Variants in RAB10 observed in about 807,000 individuals in gnomAD.
The protein encoded by RAB10 is RAB10, member RAS oncogene family, also known as ras-related protein Rab-10.
In RAB10, 5 loss-of-function variants were observed where a neutral mutation model predicts 25.7. The observed-to-expected ratio is 0.19, with a 90% CI of 0.10 to 0.41. The LOEUF is 0.41. RAB10 is among the 10% of genes least tolerant of loss of function. RAB10 has a pLI of 1.00. For missense variants in RAB10, 103 were observed against 245.8 expected, an observed-to-expected ratio of 0.42 and a Z score of 3.89; for synonymous variants, 89 against 86.4, an observed-to-expected ratio of 1.03 and a Z score of -0.16.
intron 1 of RAB10, among the ~76,000 whole-genome samples, chr2:26,092,743 A>G (rs1412692296): frequency 6.6e-6 from 1 of 152,096 alleles, no homozygotes; most frequent in Non-Finnish European, 1.5e-5. Flanking sequence ...CAGTTGTCAC[A>G]CTTGTCATTA....
intron 1 of RAB10, among the ~76,000 whole-genome samples, chr2:26,049,849 T>C (rs1666096530): frequency 6.6e-6 from 1 of 152,208 alleles, no homozygotes; most frequent in East Asian, 1.9e-4. Context: ...AAGTTAAAAA[T>C]TCCTCTTTAT....
chr2:26,089,719 A>G (rs1193443160), intron 1 of RAB10, among the ~76,000 whole-genome samples: 4 of 152,198 alleles, frequency 2.6e-5, no homozygotes, highest in Non-Finnish European at 5.9e-5. Context: ...AAAAAAACCT[A>G]GTCTTAGAAA....
chr2:26,045,592 G>A (rs1020392904), intron 1 of RAB10, among the ~76,000 whole-genome samples: 5 of 152,188 alleles, frequency 3.3e-5, no homozygotes, highest in African/African-American at 9.7e-5. Flanking sequence ...TGTGAAGAAC[G>A]AAGGAGTAGG....
chr2:26,079,324 AAC>A (rs34334774), intron 1 of RAB10, among the ~76,000 whole-genome samples: 3,508 of 92,586 alleles, frequency 0.038, 55 homozygotes, highest in East Asian at 0.08. Flanking sequence ...CACACACACA[AAC>A]ACACACACAC....
intron 1 of RAB10, among the ~76,000 whole-genome samples, chr2:26,043,545 A>T (rs1368503081): frequency 6.6e-6 from 1 of 152,244 alleles, no homozygotes; most frequent in Non-Finnish European, 1.5e-5. Context: ...AAATGGATAA[A>T]CAAAATGTGG....
chr2:26,038,639 T>C (rs1665817141), intron 1 of RAB10, among the ~76,000 whole-genome samples: 1 of 151,762 alleles, frequency 6.6e-6, no homozygotes, highest in Non-Finnish European at 1.5e-5. Context: ...AAAATACCAT[T>C]GGGCGGGGCG....
chr2:26,128,561 A>G (rs1370075546), intron 5 of RAB10, among the ~76,000 whole-genome samples: 5 of 152,022 alleles, frequency 3.3e-5, no homozygotes. Context: ...TTACTCTTGG[A>G]CTCATTTCGC....
At chr2:26,101,690 A>T (rs1295826481) in intron 2 of RAB10, 1 of 143,322 alleles carries the variant, frequency 7.0e-6, no homozygotes, top group Admixed American at 7.2e-5. Context: ...GCTTCACTGC[A>T]CATGGGAAAT....
chr2:26,047,280 G>A (rs1666030892), intron 1 of RAB10, among the ~76,000 whole-genome samples: 1 of 151,960 alleles, frequency 6.6e-6, no homozygotes, highest in Non-Finnish European at 1.5e-5. Context: ...CTAAAATTTT[G>A]TCATTTTACA....
At chr2:26,072,898 A>C (rs1255809492) in intron 1 of RAB10, among the ~76,000 whole-genome samples, 1 of 152,236 alleles carries the variant, frequency 6.6e-6, no homozygotes, top group African/African-American at 2.4e-5. Flanking sequence ...TCTTAGTTTT[A>C]ATTTGTAATA....
intron 1 of RAB10, among the ~76,000 whole-genome samples, chr2:26,094,269 G>C (rs1481100477): frequency 1.3e-5 from 2 of 150,586 alleles, no homozygotes; most frequent in African/African-American, 2.4e-5. Flanking sequence ...TTATGTTTTT[G>C]AGACAGAGTT....
intron 3 of RAB10, among the ~76,000 whole-genome samples, chr2:26,116,470 G>C (rs1574559410): frequency 6.6e-6 from 1 of 150,530 alleles, no homozygotes; most frequent in South Asian, 2.1e-4. Context: ...CATGGATTTT[G>C]ATAAAGGAAG....
At chr2:26,129,645 T>G (rs181255305) in intron 5 of RAB10, among the ~76,000 whole-genome samples, 1 of 152,342 alleles carries the variant, frequency 6.6e-6, no homozygotes, top group Admixed American at 6.5e-5. Context: ...AGGTATCTGT[T>G]TACTACAATT....
In RAB10 at chr2:26,044,127, A is replaced by G. The variant is rs1574524750; in HGVS notation, c.127+9392A>G. Among the ~76,000 whole-genome samples, 6 of 152,338 alleles carry G rather than the reference A, an allele frequency of 3.9e-5. No individual in the cohort carries two copies. In the South Asian group the frequency reaches 1.2e-3, roughly 32 times the overall value. ...TGAACTGTACACATTAAAAATGGTT[A>G]AGATGGCAAATTTAATGTTATGTTT... is the stretch of plus-strand genomic sequence containing the variant. On this transcript the variant is annotated intron_variant, in intron 1 of 5. Transcript: ENST00000264710.
At chr2:26,037,746 C>G (rs1665794859) in intron 1 of RAB10, among the ~76,000 whole-genome samples, 1 of 152,066 alleles carries the variant, frequency 6.6e-6, no homozygotes, top group Non-Finnish European at 1.5e-5. Context: ...GGACCAGGCA[C>G]TTTGTAGGAG....
chr2:26,059,420 T>G (rs1574532040), intron 1 of RAB10, among the ~76,000 whole-genome samples: 1 of 152,332 alleles, frequency 6.6e-6, no homozygotes, highest in Middle Eastern at 3.4e-3. Context: ...TTCTAACATT[T>G]AGTAGCATAA....
chr2:26,078,759 G>T (rs1364224303), intron 1 of RAB10, among the ~76,000 whole-genome samples: 1 of 152,130 alleles, frequency 6.6e-6, no homozygotes, highest in African/African-American at 2.4e-5. Flanking sequence ...CTAAAAGCCA[G>T]AGTAAAAAAA....
chr2:26,069,685 G>A (rs1376347263), intron 1 of RAB10, among the ~76,000 whole-genome samples: 4 of 136,970 alleles, frequency 2.9e-5, no homozygotes, highest in East Asian at 2.3e-4. Context: ...CAAAAAAAAA[G>A]AAAAAAGGAA....
intron 2 of RAB10, chr2:26,102,250 TAGGC>T (rs1194367396): frequency 2.6e-5 from 4 of 152,360 alleles, no homozygotes; most frequent in South Asian, 4.1e-4. Context: ...TTATCTTCAA[TAGGC>T]AGGAATTTTT....
Sources: gnomAD v4.1 joint callset for allele counts (sites outside exome capture counted in the v4.1 genomes callset) on GRCh38, gnomAD v4.1.1 for gene constraint, MANE v1.5 for transcripts, NCBI Gene and HGNC (gene_info 2026-07-23, HGNC 2026-07-21) for gene names.